GLB1L3: variants seen among roughly 807,000 people sequenced by gnomAD.
GLB1L3 encodes beta-galactosidase-1-like protein 3.
In GLB1L3, 89 loss-of-function variants were observed where a neutral mutation model predicts 89.5. That is an observed-to-expected ratio of 0.99 (90% CI 0.84 to 1.19). The LOEUF is 1.19. GLB1L3 is among the 50% of genes most tolerant of loss of function. The probability of loss-of-function intolerance (pLI) is 0.00; values close to 1 mark genes in which losing one functional copy is unlikely to be tolerated. For missense variants in GLB1L3, 812 were observed against 813.3 expected (o/e 1.00, Z 0.02); for synonymous variants, 314 against 312.3 (o/e 1.01, Z -0.06).
At chr11:134,298,054 TATTA>T (rs1222064770) in intron 9 of GLB1L3, among the ~76,000 whole-genome samples, 4 of 151,810 alleles carry the variant, frequency 2.6e-5, no homozygotes, top group African/African-American at 9.7e-5. Context: ...GAGAAGTCAG[TATTA>T]ATTCTTATCT....
At position 134,288,855 on chromosome 11, in the gene GLB1L3, A is replaced by G. The variant is rs776696653; in HGVS notation, c.694A>G (p.Asn232Asp). 1.2e-6 allele frequency: 2 copies of G among 1,613,172 alleles called. No homozygotes were observed. Among genetic ancestry groups the G allele is most frequent in the Non-Finnish European group, 1.7e-6 (2 of 1,179,506 alleles). ...AGTGGAGAATGAGTATGGCTCATTC[A>G]ATAAGGATAAAACATACATGCCGTA... ...VQVENEYGSF[N>D]KDKTYMPYLH... The change falls in exon 7 of 20, where the codon AAT becomes GAT. Residue 232 changes from asparagine to aspartate, a missense_variant. By Grantham distance (23) the Asn-to-Asp change is conservative (BLOSUM62 1). Coordinates refer to ENST00000431683, the MANE Select transcript of GLB1L3 (RefSeq NM_001080407.3).
chr11:134,290,959 G>C (rs187650816), intron 7 of GLB1L3, among the ~76,000 whole-genome samples: 2 of 152,120 alleles, frequency 1.3e-5, no homozygotes, highest in East Asian at 3.9e-4. Flanking sequence ...TGATCATGGG[G>C]TGTCAGAACC....
chr11:134,323,652 T>C (rs970254608), downstream of GLB1L3, among the ~76,000 whole-genome samples: 3 of 152,144 alleles, frequency 2.0e-5, no homozygotes, highest in African/African-American at 7.2e-5. Context: ...GTGTTTTTCA[T>C]CAGGTGTCAT....
At position 134,277,375 on chromosome 11, in the gene GLB1L3, A is replaced by C; in HGVS notation, c.73A>C (p.Ile25Leu). ...RMAGIFFLPFISSGFAPRFKQ... is the reference protein window; with the variant it reads ...RMAGIFFLPFLSSGFAPRFKQ... ...GGCGGGCATCTTTTTCCTGCCATTT[A>C]TCTCATCAGGTTTTGCTCCTCGGTT... The change falls in exon 2 of 20, where the codon ATC becomes CTC. Residue 25 changes from isoleucine to leucine, a missense_variant. By Grantham distance (5) the Ile-to-Leu change is conservative. This residue lies in a region of GLB1L3 where 191 missense variants were observed against 191.4 expected (regional missense o/e 1.00). Coordinates refer to ENST00000431683, the MANE Select transcript of GLB1L3 (RefSeq NM_001080407.3). The C allele has an allele frequency of 1.2e-6, 2 of 1,613,720 alleles. No individual in the cohort carries two copies. Among genetic ancestry groups the C allele is most frequent in the Non-Finnish European group, 1.7e-6 (2 of 1,179,818 alleles).
downstream of GLB1L3, among the ~76,000 whole-genome samples, chr11:134,323,843 A>G (rs541203111): frequency 5.3e-5 from 8 of 152,240 alleles, no homozygotes; most frequent in East Asian, 3.9e-4. Flanking sequence ...TTGCTATTCA[A>G]CCTTTCTGAA....
intron 18 of GLB1L3, among the ~76,000 whole-genome samples, chr11:134,315,195 T>C (rs1303763530): frequency 1.3e-5 from 2 of 152,254 alleles, no homozygotes; most frequent in Non-Finnish European, 2.9e-5. Context: ...ATTGGGTTCA[T>C]TTAGTAAATA....
chr11:134,307,286 T>C (rs1422858004), intron 10 of GLB1L3, 78 bp downstream of exon 10: 2 of 1,026,620 alleles, frequency 1.9e-6, no homozygotes, highest in East Asian at 2.5e-5. Context: ...AGTTCTCTGC[T>C]AATTGATTCA....
rs1591591811 is a variant in GLB1L3, at chr11:134,313,115, C to A, written c.1500+228C>A. On this transcript the variant is annotated intron_variant, in intron 15 of 19. Transcript: ENST00000431683. Reference sequence around the variant, plus strand: ...AGGGGAGGGGATTTCCTCACCAAGTCCTGAGCCTGTCCTCAGCCCCTGGTT... The same window carrying A: ...AGGGGAGGGGATTTCCTCACCAAGTACTGAGCCTGTCCTCAGCCCCTGGTT... Among the ~76,000 whole-genome samples the A allele has an allele frequency of 3.9e-5, 6 of 152,320 alleles. 1 individual carries two copies. Among genetic ancestry groups the A allele is most frequent in the Admixed American group, 3.9e-4 (6 of 15,302 alleles).
At chr11:134,297,853 C>G (rs1591559996) in intron 9 of GLB1L3, among the ~76,000 whole-genome samples, 2 of 81,088 alleles carry the variant, frequency 2.5e-5, no homozygotes. Context: ...GAGGGAGACT[C>G]TGTCTCAAAA....
At chr11:134,308,285 TACCACCACCACCACCACCACCACCACTAC>T (rs1565412985) in intron 10 of GLB1L3, among the ~76,000 whole-genome samples, 9 of 20,912 alleles carry the variant, frequency 4.3e-4, no homozygotes, top group East Asian at 1.2e-3. Flanking sequence ...CACCACCAAA[TACCACCACCACCACCACCACCACCACTAC>T]CACCACCATC....
intron 13 of GLB1L3, chr11:134,311,390 A>G: frequency 1.9e-6 from 1 of 534,302 alleles, no homozygotes; most frequent in Non-Finnish European, 3.4e-6. Flanking sequence ...ACGTCGGAGG[A>G]TCCCGGGTTC....
intron 3 of GLB1L3, among the ~76,000 whole-genome samples, chr11:134,280,481 T>A (rs1264724632): frequency 2.0e-5 from 3 of 152,214 alleles, no homozygotes; most frequent in Non-Finnish European, 4.4e-5. Flanking sequence ...ACAGTTCAAA[T>A]CTGTATCCTT....
chr11:134,290,974 C>G (rs1459075348), intron 7 of GLB1L3, among the ~76,000 whole-genome samples: 1 of 152,116 alleles, frequency 6.6e-6, no homozygotes, highest in Non-Finnish European at 1.5e-5. Context: ...AGAACCCACA[C>G]TCGACCGATT....
chr11:134,294,376 A>G (rs1295733549), intron 9 of GLB1L3, among the ~76,000 whole-genome samples: 1 of 152,118 alleles, frequency 6.6e-6, no homozygotes, highest in Non-Finnish European at 1.5e-5. Flanking sequence ...ATTTTCATCA[A>G]TTTCTATACA....
In GLB1L3 at chr11:134,316,223, G is replaced by A. The variant is rs371583381; in HGVS notation, c.1779+1782G>A. 3.0e-4 allele frequency among the ~76,000 whole-genome samples: 45 copies of A among 148,200 alleles called. 1 individual carries two copies. Among genetic ancestry groups the A allele is most frequent in the African/African-American group, 1.1e-3 (43 of 40,176 alleles). On this transcript the variant is annotated intron_variant, in intron 18 of 19. Transcript: ENST00000431683. ...TCCCATACCTTTTTTTTTTTTACAC[G>A]TAGAATAAGAATAAATTTATTGTAT...
chr11:134,307,247 C>A, intron 10 of GLB1L3, 39 bp downstream of exon 10: 1 of 1,427,124 alleles, frequency 7.0e-7, no homozygotes, highest in Non-Finnish European at 9.8e-7. Context: ...GAAGAGATGG[C>A]CCCAGGTCCC....
chr11:134,321,918 T>TAA (rs34751396), downstream of GLB1L3, among the ~76,000 whole-genome samples: 32 of 147,978 alleles, frequency 2.2e-4, no homozygotes, highest in South Asian at 1.9e-3. Flanking sequence ...TAAAGTATAA[T>TAA]AAAAAAAAAA....
intron 13 of GLB1L3, chr11:134,311,384 C>A (rs573819370): frequency 1.9e-6 from 1 of 538,334 alleles, no homozygotes; most frequent in South Asian, 2.2e-5. Context: ...AGCAGGACGT[C>A]GGAGGATCCC....
At chr11:134,290,505 G>A (rs926154690) in intron 7 of GLB1L3, among the ~76,000 whole-genome samples, 8 of 151,308 alleles carry the variant, frequency 5.3e-5, no homozygotes, top group Admixed American at 1.3e-4. Context: ...CCTGGGAGAT[G>A]GAGGTTGCAG....
Sources: gnomAD v4.1 joint callset for allele counts (sites outside exome capture counted in the v4.1 genomes callset) on GRCh38, gnomAD v4.1.1 for gene constraint, gnomAD v4.1.1 regional missense constraint, MANE v1.5 for transcripts, NCBI Gene and HGNC (gene_info 2026-07-23, HGNC 2026-07-21) for gene names.